Variants in LMLN observed in about 807,000 individuals in gnomAD.
LMLN encodes the protein leishmanolysin-like peptidase.
LMLN carries 70 observed loss-of-function variants against 92.3 expected under a neutral mutation model. The ratio of observed to expected loss-of-function variants is 0.76; its 90% CI spans 0.63 to 0.92. The LOEUF (loss-of-function observed/expected upper bound fraction) is 0.92. Among genes scored for constraint, LMLN ranks in the 40% least tolerant of loss-of-function variants. LMLN has a pLI of 0.00. For missense variants in LMLN, 691 were observed against 814.6 expected (o/e 0.85, Z 1.85); for synonymous variants, 308 against 296.2 (o/e 1.04, Z -0.41).
At chr3:198,014,037 C>T (rs1211382013) in intron 11 of LMLN, among the ~76,000 whole-genome samples, 1 of 145,676 alleles carries the variant, frequency 6.9e-6, no homozygotes, top group Non-Finnish European at 1.5e-5. Flanking sequence ...AGCCCTCTAA[C>T]TAGTCTGACT....
intron 13 of LMLN, among the ~76,000 whole-genome samples, chr3:198,022,291 TGG>T (rs1192257905): frequency 6.6e-6 from 1 of 152,212 alleles, no homozygotes; most frequent in African/African-American, 2.4e-5. Context: ...GTATGGCAAT[TGG>T]GTATTCTGCA....
At chr3:197,974,737 T>A (rs1034655494) in intron 2 of LMLN, among the ~76,000 whole-genome samples, 3 of 152,244 alleles carry the variant, frequency 2.0e-5, no homozygotes, top group Non-Finnish European at 4.4e-5. Context: ...AATGTGGATC[T>A]ACTTGGATGT....
chr3:198,018,346 AT>A (rs1346953183), intron 11 of LMLN, among the ~76,000 whole-genome samples: 1 of 152,218 alleles, frequency 6.6e-6, no homozygotes, highest in Admixed American at 6.5e-5. Context: ...CGGAAATCAC[AT>A]TTATTGAGTA....
chr3:197,992,284 G>C (rs1721897201), intron 9 of LMLN, among the ~76,000 whole-genome samples: 1 of 152,042 alleles, frequency 6.6e-6, no homozygotes, highest in African/African-American at 2.4e-5. Flanking sequence ...TCACAACAGA[G>C]GGGGCACTGG....
At chr3:197,975,485 GCATGCACACACACGCGCA>G (rs1560135254) in intron 3 of LMLN, among the ~76,000 whole-genome samples, 1 of 151,862 alleles carries the variant, frequency 6.6e-6, no homozygotes, top group African/African-American at 2.4e-5. Context: ...ACACATGCAC[GCATGCACACACACGCGCA>G]CGTGCACGCA....
At chr3:197,971,092 T>C (rs1160374653) in intron 1 of LMLN, among the ~76,000 whole-genome samples, 1 of 152,228 alleles carries the variant, frequency 6.6e-6, no homozygotes, top group East Asian at 1.9e-4. Flanking sequence ...TTGTCTTCTG[T>C]TCTTTATTGT....
intron 12 of LMLN, among the ~76,000 whole-genome samples, chr3:198,021,009 T>G (rs1299985083): frequency 6.6e-6 from 1 of 151,986 alleles, no homozygotes; most frequent in Non-Finnish European, 1.5e-5. Context: ...ATATATGATC[T>G]CATTTATTTT....
intron 15 of LMLN, chr3:198,038,312 C>T: frequency 2.5e-6 from 1 of 406,804 alleles, no homozygotes; most frequent in South Asian, 3.1e-5. Context: ...GGGTACTACC[C>T]CAAGGCAATT....
intron 5 of LMLN, among the ~76,000 whole-genome samples, chr3:197,978,062 CAT>C: frequency 6.6e-6 from 1 of 151,468 alleles, no homozygotes; most frequent in South Asian, 2.1e-4. Flanking sequence ...AATCTGGATA[CAT>C]ATAAAAATTA....
chr3:197,997,060 CTTT>C (rs2109894847), intron 10 of LMLN, among the ~76,000 whole-genome samples: 1 of 129,538 alleles, frequency 7.7e-6, no homozygotes, highest in African/African-American at 3.1e-5. Context: ...TTCCTTCTTT[CTTT>C]CTCTCTTTCT....
chr3:197,960,310 G>C (rs1560128474), exon 1 of LMLN: 2 of 1,613,854 alleles, frequency 1.2e-6, no homozygotes, highest in Admixed American at 1.7e-5. Flanking sequence ...AGCCGGTGGC[G>C]CTGGAGCGGG....
intron 6 of LMLN, among the ~76,000 whole-genome samples, chr3:197,983,106 A>G (rs1721603983): frequency 6.6e-6 from 1 of 152,242 alleles, no homozygotes; most frequent in African/African-American, 2.4e-5. Flanking sequence ...TACTTTTTCT[A>G]ATTCTGTGTC....
intron 10 of LMLN, among the ~76,000 whole-genome samples, chr3:197,998,379 C>T (rs150381630): frequency 3.3e-4 from 50 of 152,202 alleles, no homozygotes; most frequent in African/African-American, 1.0e-3. Flanking sequence ...TGGAAACTTA[C>T]GGAAGGGACG....
intron 14 of LMLN, among the ~76,000 whole-genome samples, chr3:198,033,429 T>C (rs1272802849): frequency 6.7e-6 from 1 of 150,366 alleles, no homozygotes; most frequent in Non-Finnish European, 1.5e-5. Flanking sequence ...ATTATCTTTT[T>C]TTTTTGAGAT....
chr3:197,984,823 G>A (rs189216668), intron 7 of LMLN, among the ~76,000 whole-genome samples: 63 of 151,272 alleles, frequency 4.2e-4, no homozygotes, highest in Admixed American at 7.9e-4. Context: ...CCACAGGCAC[G>A]CACCACCATG....
intron 11 of LMLN, among the ~76,000 whole-genome samples, chr3:198,016,984 T>G (rs1458832149): frequency 6.6e-6 from 1 of 152,166 alleles, no homozygotes; most frequent in East Asian, 1.9e-4. Flanking sequence ...TAAATGAGCA[T>G]GGTGGCACAT....
chr3:197,983,843 C>A, intron 6 of LMLN, 100 bp from the exon 7 acceptor site: 1 of 723,700 alleles, frequency 1.4e-6, no homozygotes, highest in Non-Finnish European at 2.3e-6. Context: ...GGATACTTTG[C>A]AAAGATTTTT....
chr3:198,017,222 T>A (rs1454673949), intron 11 of LMLN, among the ~76,000 whole-genome samples: 1 of 152,224 alleles, frequency 6.6e-6, no homozygotes, highest in African/African-American at 2.4e-5. Flanking sequence ...GTCCCACTTG[T>A]GAGGCATTGA....
chr3:197,960,426 C>T (rs1014120851), exon 1 of LMLN: 3 of 1,613,594 alleles, frequency 1.9e-6, no homozygotes, highest in Non-Finnish European at 2.5e-6. Flanking sequence ...GCACCACGTC[C>T]CCTCTGACAC....
Sources: gnomAD v4.1 joint callset for allele counts (sites outside exome capture counted in the v4.1 genomes callset) on GRCh38, gnomAD v4.1.1 for gene constraint, MANE v1.5 for transcripts, NCBI Gene and HGNC (gene_info 2026-07-23, HGNC 2026-07-21) for gene names.